Variants in PEAK1 observed in about 807,000 individuals in gnomAD.
PEAK1 encodes pseudopodium enriched atypical kinase 1, also known as inactive tyrosine-protein kinase PEAK1.
A neutral mutation model predicts 124.7 loss-of-function variants in PEAK1; 54 were observed. The observed-to-expected ratio is 0.43, with a 90% CI of 0.35 to 0.54. The LOEUF (loss-of-function observed/expected upper bound fraction) is 0.54, where lower values mean the gene tolerates loss of function less well. Ranked by LOEUF, PEAK1 falls within the 20% of genes least tolerant of loss-of-function variation. The probability of loss-of-function intolerance (pLI) is 0.01; values close to 1 mark genes in which losing one functional copy is unlikely to be tolerated. For missense variants in PEAK1, 2,046 were observed against 2,134.5 expected (o/e 0.96, Z 0.82); for synonymous variants, 719 against 760.0 (o/e 0.95, Z 0.89).
chr15:77,401,767 G>C, intron 1 of PEAK1: 1 of 985,070 alleles, frequency 1.0e-6, no homozygotes, highest in African/African-American at 1.7e-5. Flanking sequence ...GAGAGCTTTT[G>C]CTGATCTGTA....
At chr15:77,419,291 T>G (rs1479312556) in intron 1 of PEAK1, 2 of 985,016 alleles carry the variant, frequency 2.0e-6, no homozygotes. Flanking sequence ...AGACGGATGG[T>G]GCATGCGACG....
intron 1 of PEAK1, among the ~76,000 whole-genome samples, chr15:77,376,194 A>C (rs2141748984): frequency 6.6e-6 from 1 of 152,278 alleles, no homozygotes; most frequent in South Asian, 2.1e-4. Context: ...AATGAGCATG[A>C]ATAAAAAAAA....
intron 5 of PEAK1, among the ~76,000 whole-genome samples, chr15:77,257,553 C>T (rs1432074430): frequency 6.6e-5 from 10 of 151,406 alleles, no homozygotes; most frequent in South Asian, 2.1e-4. Flanking sequence ...TCATGTCCTT[C>T]GCCCACTTTT....
chr15:77,332,937 A>G (rs764356389), intron 2 of PEAK1: 79 of 408,156 alleles, frequency 1.9e-4, no homozygotes, highest in Non-Finnish European at 2.6e-4. Context: ...TTATTGGTTG[A>G]TTTTGTTTTC....
At chr15:77,107,707 G>A (rs1354737962), downstream of PEAK1, 1 of 152,226 alleles carries the variant, frequency 6.6e-6, no homozygotes, top group African/African-American at 2.4e-5. Flanking sequence ...TCAAAGGCAT[G>A]CGAATCTTGC....
intron 5 of PEAK1, among the ~76,000 whole-genome samples, chr15:77,281,083 G>A (rs374305725): frequency 4.6e-4 from 70 of 152,066 alleles, no homozygotes; most frequent in African/African-American, 1.5e-3. Context: ...TCAGAGAATC[G>A]CTTGAACCCA....
intron 2 of PEAK1, among the ~76,000 whole-genome samples, chr15:77,332,657 A>G (rs558640496): frequency 1.3e-5 from 2 of 152,318 alleles, no homozygotes; most frequent in East Asian, 1.9e-4. Context: ...TTTATTAGTT[A>G]ATGGACAGTG....
At position 77,178,861 on chromosome 15, in the gene PEAK1, A is replaced by G; in HGVS notation, c.3066T>C (p.Asn1022=). 6.2e-7 allele frequency: 1 copy of G among 1,614,134 alleles called. No individual in the cohort carries two copies. Among genetic ancestry groups the G allele is most frequent in the Admixed American group, 1.7e-5 (1 of 60,010 alleles). ...TCTTCTCTGAGTCCTGTAGTAATGC[A>G]TTCTCTGCTCTACCCTTCTCCATGA... ...AAVMEKGRAE[N]ALLQDSEKKR... is the part of the protein sequence containing the mutation. The change falls in exon 7 of 10, where the codon AAT becomes AAC. Residue 1022 remains asparagine, a synonymous_variant. Coordinates refer to ENST00000682557, the MANE Select transcript of PEAK1 (RefSeq NM_001385026.1).
rs565521829 is a variant in PEAK1, at chr15:77,144,818, C to T, written c.3332-11068G>A. Among the ~76,000 whole-genome samples the T allele has an allele frequency of 7.9e-5, 12 of 152,336 alleles. No individual in the cohort carries two copies. The East Asian group carries it at 2.1e-3, about 27-fold the overall frequency. ...TTTTTTCCTCCAAGAAAGACAAGTTCTCCTAACTGAATTCCAATCATTTGG... is the reference window on the plus strand; with the variant it reads ...TTTTTTCCTCCAAGAAAGACAAGTTTTCCTAACTGAATTCCAATCATTTGG... On this transcript the variant is annotated intron_variant, in intron 8 of 9. Transcript: ENST00000682557.
At position 77,228,888 on chromosome 15, in the gene PEAK1, G is replaced by C. The variant is rs889940462; in HGVS notation, c.-115+23479C>G. ...TGGGATAAGCTAGCCCTGGTTTCAG[G>C]TCCTTCATTTGACAGTCTGAACAGC... is the stretch of plus-strand genomic sequence containing the variant. On this transcript the variant is annotated intron_variant, in intron 6 of 9. Coordinates refer to ENST00000682557, the MANE Select transcript of PEAK1 (RefSeq NM_001385026.1). Among the ~76,000 whole-genome samples, 77 of 152,070 alleles carry C rather than the reference G, an allele frequency of 5.1e-4. 1 individual carries two copies. Among genetic ancestry groups the C allele is most frequent in the Non-Finnish European group, 1.5e-4 (10 of 68,020 alleles).
At chr15:77,221,009 T>C (rs976938221) in intron 6 of PEAK1, among the ~76,000 whole-genome samples, 2 of 152,152 alleles carry the variant, frequency 1.3e-5, no homozygotes, top group Admixed American at 6.6e-5. Flanking sequence ...TGAATGGAAA[T>C]GTATGTCTTC....
chr15:77,140,402 G>C (rs2053679511), intron 8 of PEAK1, among the ~76,000 whole-genome samples: 1 of 152,124 alleles, frequency 6.6e-6, no homozygotes, highest in African/African-American at 2.4e-5. Flanking sequence ...ACAACAAGGT[G>C]GGATTTATTC....
intron 1 of PEAK1, among the ~76,000 whole-genome samples, chr15:77,366,949 C>T (rs903829112): frequency 2.6e-5 from 4 of 152,136 alleles, no homozygotes; most frequent in African/African-American, 9.6e-5. Context: ...TCCTGGCCAA[C>T]ATGGTGAAAC....
exon 7 of PEAK1, chr15:77,101,367 C>T (rs1239924041): frequency 2.0e-5 from 3 of 152,162 alleles, no homozygotes; most frequent in African/African-American, 7.2e-5. Flanking sequence ...CTTACGAGGC[C>T]GAGATTTGAA....
chr15:77,392,216 T>C (rs1318640349), intron 1 of PEAK1, among the ~76,000 whole-genome samples: 1 of 152,104 alleles, frequency 6.6e-6, no homozygotes, highest in Non-Finnish European at 1.5e-5. Flanking sequence ...ATCTTCAATA[T>C]GGAAATAATA....
chr15:77,241,708 T>A (rs1026811476), intron 6 of PEAK1, among the ~76,000 whole-genome samples: 4 of 151,204 alleles, frequency 2.6e-5, no homozygotes, highest in East Asian at 1.9e-4. Flanking sequence ...TAAAAAAAAA[T>A]AACTTTCAGA....
intron 5 of PEAK1, among the ~76,000 whole-genome samples, chr15:77,263,494 A>G (rs1389338851): frequency 1.3e-5 from 2 of 152,208 alleles, no homozygotes; most frequent in African/African-American, 4.8e-5. Flanking sequence ...CAAATAAACT[A>G]GAAAATCTAG....
At chr15:77,310,255 CA>C (rs983871787) in intron 2 of PEAK1, among the ~76,000 whole-genome samples, 7 of 152,132 alleles carry the variant, frequency 4.6e-5, no homozygotes, top group African/African-American at 1.4e-4. Context: ...TGAAGTCATA[CA>C]AAAGTTTGAA....
chr15:77,308,419 G>A (rs1380807613), intron 2 of PEAK1, among the ~76,000 whole-genome samples: 1 of 152,054 alleles, frequency 6.6e-6, no homozygotes, highest in Non-Finnish European at 1.5e-5. Context: ...GCTTAATAGA[G>A]ATAAAACCTT....
Sources: gnomAD v4.1 joint callset for allele counts (sites outside exome capture counted in the v4.1 genomes callset) on GRCh38, gnomAD v4.1.1 for gene constraint, MANE v1.5 for transcripts, NCBI Gene and HGNC (gene_info 2026-07-23, HGNC 2026-07-21) for gene names.